The following UBL3 variants were observed in gnomAD, a reference collection of about 807,000 sequenced individuals.
The protein encoded by UBL3 is ubiquitin like 3.
Under a neutral mutation model 18.4 loss-of-function variants are expected in UBL3, and 6 were observed. The observed-to-expected ratio is 0.33, with a 90% confidence interval of 0.18 to 0.64. The LOEUF (loss-of-function observed/expected upper bound fraction) is 0.64. Among genes scored for constraint, UBL3 ranks in the 30% least tolerant of loss-of-function variants. UBL3 has a pLI of 0.76. For synonymous variants in UBL3, 49 were observed against 46.6 expected (o/e 1.05, Z -0.21); for missense variants, 109 against 142.9 (o/e 0.76, Z 1.21).
At chr13:29,769,351 T>C (rs1347994468) in intron 3 of UBL3, among the ~76,000 whole-genome samples, 1 of 152,108 alleles carries the variant, frequency 6.6e-6, no homozygotes, top group Non-Finnish European at 1.5e-5. Context: ...ATAGTAGGTA[T>C]TGATGTTAAT....
chr13:29,831,135 T>C (rs1878760348), intron 1 of UBL3, among the ~76,000 whole-genome samples: 1 of 152,130 alleles, frequency 6.6e-6, no homozygotes. Flanking sequence ...CCTCCCTTGG[T>C]GACTCATCTA....
In UBL3 at chr13:29,782,389, C is replaced by T. The variant is rs757605298; in HGVS notation, c.28-5126G>A. 4.6e-5 allele frequency among the ~76,000 whole-genome samples: 7 copies of T among 152,280 alleles called. No individual in the cohort carries two copies. In the South Asian group the frequency reaches 1.5e-3, roughly 32 times the overall value. On this transcript the variant is annotated intron_variant, in intron 1 of 4. Transcript: ENST00000380680. ...AACACACATCACAGTTGCCAATAAACTGATATTACACTTTCATATTTCAAA... is the reference window on the plus strand; with the variant it reads ...AACACACATCACAGTTGCCAATAAATTGATATTACACTTTCATATTTCAAA...
intron 2 of UBL3, 35 bp from the exon 3 acceptor site, chr13:29,772,233 C>T (rs775081058): frequency 6.5e-7 from 1 of 1,543,790 alleles, no homozygotes; most frequent in South Asian, 1.2e-5. Context: ...TAGGTATATT[C>T]CAACATATAA....
chr13:29,810,742 C>A (rs1037855804), intron 1 of UBL3, among the ~76,000 whole-genome samples: 1 of 151,992 alleles, frequency 6.6e-6, no homozygotes, highest in Non-Finnish European at 1.5e-5. Flanking sequence ...ACATGATTTG[C>A]CTTATTTGAA....
chr13:29,803,669 C>T (rs550389008), intron 1 of UBL3, among the ~76,000 whole-genome samples: 1 of 150,970 alleles, frequency 6.6e-6, no homozygotes, highest in South Asian at 2.1e-4. Context: ...AGACTGTAAA[C>T]CCACAAAGAT....
intron 1 of UBL3, among the ~76,000 whole-genome samples, chr13:29,784,273 T>C (rs186849994): frequency 5.3e-5 from 8 of 152,272 alleles, no homozygotes; most frequent in Admixed American, 2.0e-4. Context: ...TAGAATGGTC[T>C]TTGGATATAA....
intron 1 of UBL3, among the ~76,000 whole-genome samples, chr13:29,824,364 G>A (rs1366378758): frequency 6.6e-6 from 1 of 152,168 alleles, no homozygotes; most frequent in Admixed American, 6.5e-5. Flanking sequence ...ATCCTCTCCA[G>A]CACCTGTTGT....
chr13:29,848,618 A>G (rs1879287691), intron 1 of UBL3, among the ~76,000 whole-genome samples: 1 of 152,208 alleles, frequency 6.6e-6, no homozygotes, highest in Admixed American at 6.5e-5. Flanking sequence ...AAACAGGATT[A>G]TTCCTCTTCC....
chr13:29,779,901 C>T (rs538850367), intron 1 of UBL3, among the ~76,000 whole-genome samples: 10 of 152,214 alleles, frequency 6.6e-5, no homozygotes, highest in South Asian at 4.1e-4. Flanking sequence ...GTGAGGTCCT[C>T]GTCTGTACCA....
chr13:29,785,681 A>T (rs1877295724), intron 1 of UBL3, among the ~76,000 whole-genome samples: 2 of 152,226 alleles, frequency 1.3e-5, no homozygotes, highest in African/African-American at 4.8e-5. Context: ...GCGCTAAAAT[A>T]TGGTAATTAC....
At chr13:29,800,663 T>TA (rs1267585573) in intron 1 of UBL3, among the ~76,000 whole-genome samples, 2 of 152,258 alleles carry the variant, frequency 1.3e-5, no homozygotes, top group Non-Finnish European at 2.9e-5. Flanking sequence ...TATGCAGCCA[T>TA]AAAAATTTAT....
intron 1 of UBL3, among the ~76,000 whole-genome samples, chr13:29,800,727 G>A (rs1035385915): frequency 3.9e-5 from 6 of 152,176 alleles, no homozygotes; most frequent in Admixed American, 1.3e-4. Flanking sequence ...GTTACCTGCC[G>A]GTCTGCTAAA....
intron 1 of UBL3, among the ~76,000 whole-genome samples, chr13:29,787,218 T>C (rs1321243261): frequency 2.0e-5 from 3 of 152,142 alleles, no homozygotes; most frequent in Non-Finnish European, 4.4e-5. Flanking sequence ...TTTGGGTTCT[T>C]ATAAATACAT....
At chr13:29,776,901 A>ATT (rs1322363192) in intron 2 of UBL3, among the ~76,000 whole-genome samples, 36 of 124,866 alleles carry the variant, frequency 2.9e-4, no homozygotes, top group Admixed American at 8.1e-4. Flanking sequence ...AAAAAAAAAA[A>ATT]TTTTTTTCAC....
At chr13:29,792,450 T>C (rs930689912) in intron 1 of UBL3, among the ~76,000 whole-genome samples, 89 of 152,232 alleles carry the variant, frequency 5.8e-4, no homozygotes, top group Admixed American at 4.4e-3. Flanking sequence ...CTTTACAGTA[T>C]GTTGTCAGTT....
At chr13:29,797,600 G>A (rs917619536) in intron 1 of UBL3, among the ~76,000 whole-genome samples, 11 of 152,018 alleles carry the variant, frequency 7.2e-5, no homozygotes, top group Non-Finnish European at 1.5e-4. Context: ...TTACCTACAT[G>A]CATTTGGGAG....
chr13:29,772,249 G>T, intron 2 of UBL3, 51 bp from the exon 3 acceptor site: 1 of 1,463,072 alleles, frequency 6.8e-7, no homozygotes, highest in Non-Finnish European at 9.4e-7. Flanking sequence ...TATAATTAAG[G>T]TACTACTATA....
intron 1 of UBL3, among the ~76,000 whole-genome samples, chr13:29,816,702 C>G (rs1878291042): frequency 7.8e-6 from 1 of 127,878 alleles, no homozygotes; most frequent in Non-Finnish European, 1.6e-5. Context: ...TTGCAGTAAA[C>G]TGTGTTTGTG....
At chr13:29,835,184 A>ATATC (rs1566001185) in intron 1 of UBL3, among the ~76,000 whole-genome samples, 5 of 89,594 alleles carry the variant, frequency 5.6e-5, no homozygotes, top group Admixed American at 3.0e-4. Flanking sequence ...ATATATATAT[A>ATATC]TCTCCACCCT....
Sources: allele counts gnomAD v4.1 joint callset (sites outside exome capture counted in the v4.1 genomes callset), GRCh38; gene constraint gnomAD v4.1.1; transcripts MANE v1.5; gene names NCBI Gene and HGNC (gene_info 2026-07-23, HGNC 2026-07-21).